SHTN1: variants seen among roughly 807,000 people sequenced by gnomAD.
SHTN1 encodes shootin 1, also known as shootin-1.
In SHTN1, 42 loss-of-function variants were observed where a neutral mutation model predicts 83.1. The ratio of observed to expected loss-of-function variants is 0.51; its 90% CI spans 0.39 to 0.65. SHTN1 has a LOEUF of 0.65. SHTN1 is among the 30% of genes least tolerant of loss of function. The pLI is 0.00. For missense variants in SHTN1, 622 were observed against 737.8 expected (o/e 0.84, Z 1.82); for synonymous variants, 224 against 247.7 (o/e 0.90, Z 0.90).
At chr10:116,948,342 T>A (rs532990813) in intron 7 of SHTN1, among the ~76,000 whole-genome samples, 1 of 152,318 alleles carries the variant, frequency 6.6e-6, no homozygotes, top group South Asian at 2.1e-4. Context: ...TAGGTTCATT[T>A]TCATGTGATT....
chr10:116,923,147 G>T (rs1380826185), intron 11 of SHTN1, among the ~76,000 whole-genome samples: 1 of 152,126 alleles, frequency 6.6e-6, no homozygotes, highest in Non-Finnish European at 1.5e-5. Context: ...CACCATAAAA[G>T]ATAGTAATTA....
intron 4 of SHTN1, among the ~76,000 whole-genome samples, chr10:116,958,373 T>C (rs1850059017): frequency 1.3e-5 from 2 of 152,190 alleles, no homozygotes; most frequent in South Asian, 4.1e-4. Context: ...GAGTTCATAC[T>C]ATATCTTCAA....
intron 1 of SHTN1, among the ~76,000 whole-genome samples, chr10:117,051,780 A>T (rs1459535673): frequency 6.6e-6 from 1 of 151,666 alleles, no homozygotes; most frequent in Non-Finnish European, 1.5e-5. Flanking sequence ...GTTAAAGGAC[A>T]TTCATGAAAG....
At chr10:117,081,404 A>C (rs1853259453) in intron 1 of SHTN1, among the ~76,000 whole-genome samples, 2 of 136,690 alleles carry the variant, frequency 1.5e-5, no homozygotes, top group East Asian at 2.1e-4. Flanking sequence ...CATGGTGGAT[A>C]AGCTTTTTGA....
intron 1 of SHTN1, among the ~76,000 whole-genome samples, chr10:117,105,105 G>A (rs1853653054): frequency 6.6e-6 from 1 of 151,988 alleles, no homozygotes; most frequent in Non-Finnish European, 1.5e-5. Context: ...TAGACACTGA[G>A]CCCAAGGTGA....
intron 1 of SHTN1, among the ~76,000 whole-genome samples, chr10:116,983,668 ATAGATAGATAGATAGATAAATACATAC>A (rs1564913552): frequency 1.8e-3 from 128 of 70,510 alleles, no homozygotes; most frequent in East Asian, 0.014. Context: ...AGATAGATAG[ATAGATAGATAGATAGATAAATACATAC>A]ATACATACAT....
chr10:116,887,223 T>C (rs1446091047), intron 16 of SHTN1, among the ~76,000 whole-genome samples: 7 of 152,220 alleles, frequency 4.6e-5, no homozygotes, highest in Admixed American at 1.3e-4. Flanking sequence ...AAATTTCTTA[T>C]GGAATTTCAG....
intron 1 of SHTN1, among the ~76,000 whole-genome samples, chr10:117,100,051 C>A (rs932549941): frequency 1.4e-4 from 22 of 152,110 alleles, no homozygotes; most frequent in Non-Finnish European, 4.4e-5. Flanking sequence ...GTGGTACATG[C>A]CTGTAATCTC....
chr10:116,901,173 T>C (rs1847720368), intron 16 of SHTN1: 1 of 985,312 alleles, frequency 1.0e-6, no homozygotes, highest in Non-Finnish European at 1.2e-6. Flanking sequence ...AGAGCTGCCA[T>C]TGTTATAAAA....
intron 2 of SHTN1, among the ~76,000 whole-genome samples, chr10:116,971,013 C>G (rs1251730044): frequency 6.6e-6 from 1 of 152,130 alleles, no homozygotes; most frequent in Non-Finnish European, 1.5e-5. Flanking sequence ...ATTTGTTATA[C>G]TATTCTCTGC....
chr10:116,907,725 G>A (rs1564870351), intron 14 of SHTN1, among the ~76,000 whole-genome samples: 1 of 152,178 alleles, frequency 6.6e-6, no homozygotes, highest in Non-Finnish European at 1.5e-5. Context: ...GGAGGGAGGG[G>A]AAGGCAGGAG....
rs1564956301 is a variant in SHTN1, at chr10:117,090,807, AAGGAAGGAAGGAAAGGAG to A, written c.-189+35482_-189+35499del. On this transcript the variant is annotated intron_variant, in intron 1 of 17. Coordinates refer to the SHTN1 transcript ENST00000392901. Reference sequence around the variant, plus strand: ...GAAGGAAGGAAGGAAGGAAGGAAGGAAGGAAGGAAGGAAAGGAGGGAGGGAGGGAGGGAAAGGTGAGCC... The same window carrying A: ...GAAGGAAGGAAGGAAGGAAGGAAGGAGGAGGGAGGGAGGGAAAGGTGAGCC... Among the ~76,000 whole-genome samples, 28 of 63,418 alleles carry A rather than the reference AAGGAAGGAAGGAAAGGAG, an allele frequency of 4.4e-4. No individual in the cohort carries two copies. In the East Asian group the frequency reaches 0.01, roughly 23 times the overall value. 41.6% of individuals were successfully genotyped at this position (63,418 alleles called of 152,430 possible). A position where few individuals can be genotyped will look rare whatever the true frequency, so the allele number is the denominator to read the frequency against.
intron 7 of SHTN1, among the ~76,000 whole-genome samples, chr10:116,948,257 C>T (rs1849656787): frequency 6.6e-6 from 1 of 152,192 alleles, no homozygotes; most frequent in African/African-American, 2.4e-5. Context: ...CCAAAGTACA[C>T]AAAGTTTTCT....
At chr10:117,060,345 A>G (rs1852881921) in intron 1 of SHTN1, among the ~76,000 whole-genome samples, 1 of 152,210 alleles carries the variant, frequency 6.6e-6, no homozygotes, top group Non-Finnish European at 1.5e-5. Flanking sequence ...TTTTTTAAAT[A>G]TCTACTTTAA....
intron 2 of SHTN1, among the ~76,000 whole-genome samples, chr10:117,029,691 C>T (rs1362100006): frequency 2.0e-5 from 3 of 152,128 alleles, no homozygotes; most frequent in Non-Finnish European, 4.4e-5. Context: ...CCTTCTTGCT[C>T]CTGCTCCAGC....
chr10:116,923,723 T>A (rs1367462741), intron 11 of SHTN1, among the ~76,000 whole-genome samples: 1 of 152,040 alleles, frequency 6.6e-6, no homozygotes, highest in Non-Finnish European at 1.5e-5. Context: ...CTGGTTAATG[T>A]TTTTTAATTT....
rs1564947516 is a variant in SHTN1 at position 117,065,850 on chromosome 10, AAG to A, written c.-188-17342_-188-17341del. On this transcript the variant is annotated intron_variant, in intron 1 of 17. Transcript: ENST00000392901. Reference sequence around the variant, plus strand: ...GAAGGAAGGAAGGAAGGAAGGAAGGAAGGAAAGGAGGGAGGGAGGGAGGGAGG... The same window carrying A: ...GAAGGAAGGAAGGAAGGAAGGAAGGAGAAAGGAGGGAGGGAGGGAGGGAGG... Among the ~76,000 whole-genome samples, 60 of 45,138 alleles carry A rather than the reference AAG, an allele frequency of 1.3e-3. 2 individuals are homozygous for A. Among genetic ancestry groups the A allele is most frequent in the East Asian group, 0.011 (9 of 814 alleles). 29.6% of individuals were successfully genotyped at this position (45,138 alleles called of 152,430 possible).
At chr10:117,010,812 A>G (rs1444057890) in intron 2 of SHTN1, among the ~76,000 whole-genome samples, 1 of 152,256 alleles carries the variant, frequency 6.6e-6, no homozygotes, top group Non-Finnish European at 1.5e-5. Context: ...TCACATTAAT[A>G]GGAAAAAAAC....
chr10:116,998,420 TGAGA>T (rs375326690), intron 1 of SHTN1, among the ~76,000 whole-genome samples: 17 of 151,020 alleles, frequency 1.1e-4, no homozygotes, highest in East Asian at 3.9e-4. Context: ...CAAGATATTT[TGAGA>T]GAGAGAGAGA....
Sources: allele counts gnomAD v4.1 joint callset (sites outside exome capture counted in the v4.1 genomes callset), GRCh38; gene constraint gnomAD v4.1.1; transcripts MANE v1.5; gene names NCBI Gene and HGNC (gene_info 2026-07-23, HGNC 2026-07-21).